SYNPO: variants seen among roughly 807,000 people sequenced by gnomAD.
The protein encoded by SYNPO is synaptopodin.
A neutral mutation model predicts 49.5 loss-of-function variants in SYNPO; 19 were observed. The observed-to-expected ratio is 0.38, with a 90% CI of 0.27 to 0.56. The LOEUF (loss-of-function observed/expected upper bound fraction) is 0.56. Ranked by LOEUF, SYNPO falls within the 20% of genes least tolerant of loss-of-function variation. The pLI is 0.68. For missense variants in SYNPO, 1,131 were observed against 1,248.3 expected, an observed-to-expected ratio of 0.91 and a Z score of 1.42; for synonymous variants, 536 against 548.0, an observed-to-expected ratio of 0.98 and a Z score of 0.31.
In SYNPO at chr5:150,644,410, C is replaced by T. The variant is rs770869334; in HGVS notation, c.-332-3534C>T. Among the ~76,000 whole-genome samples, 8 of 152,310 alleles carry T rather than the reference C, an allele frequency of 5.3e-5. No homozygotes were observed. In the South Asian group the frequency reaches 8.3e-4, roughly 16 times the overall value. ...GTTTTGGGGCAGTAAGCTCTGCCTC[C>T]GTGTAGCTCTGGAATCTCCTGCTAT... On this transcript the variant is annotated intron_variant, in intron 1 of 2. Coordinates refer to ENST00000307662, the MANE Select transcript of SYNPO (RefSeq NM_007286.6).
At chr5:150,650,534 T>A (rs150776894) in intron 2 of SYNPO, 10 of 1,471,558 alleles carry the variant, frequency 6.8e-6, no homozygotes, top group Non-Finnish European at 7.2e-6. Context: ...CCTCCCCTAC[T>A]ACAACAGGGG....
chr5:150,629,467 T>C (rs1757469138), intron 2 of SYNPO, among the ~76,000 whole-genome samples: 1 of 152,096 alleles, frequency 6.6e-6, no homozygotes, highest in Non-Finnish European at 1.5e-5. Flanking sequence ...TGCTGAGATA[T>C]GGGCTAGTAA....
chr5:150,603,907 G>T (rs1023951010), intron 1 of SYNPO, among the ~76,000 whole-genome samples: 8 of 152,180 alleles, frequency 5.3e-5, no homozygotes, highest in Non-Finnish European at 1.2e-4. Flanking sequence ...ATTTCCAGGA[G>T]ACTCTTGTTC....
chr5:150,624,469 G>A (rs188806796), intron 2 of SYNPO, among the ~76,000 whole-genome samples: 1 of 152,284 alleles, frequency 6.6e-6, no homozygotes, highest in African/African-American at 2.4e-5. Flanking sequence ...CAGACCGACC[G>A]ACCTAGCGAT....
chr5:150,643,612 G>A (rs1303416998), intron 1 of SYNPO, among the ~76,000 whole-genome samples: 1 of 152,124 alleles, frequency 6.6e-6, no homozygotes, highest in Non-Finnish European at 1.5e-5. Flanking sequence ...TCGGCTCACC[G>A]CAACCTCTGC....
intron 1 of SYNPO, among the ~76,000 whole-genome samples, chr5:150,602,594 AT>A (rs534080439): frequency 2.6e-5 from 4 of 152,120 alleles, no homozygotes; most frequent in Non-Finnish European, 4.4e-5. Flanking sequence ...CGCTTCCAGC[AT>A]TTTATTTGTT....
intron 1 of SYNPO, among the ~76,000 whole-genome samples, chr5:150,642,722 G>C (rs1490320689): frequency 1.3e-5 from 2 of 152,222 alleles, no homozygotes; most frequent in Admixed American, 1.3e-4. Context: ...GCTGGATCTG[G>C]TCCAAACCTC....
chr5:150,654,394 G>T (rs190695191), intron 2 of SYNPO, among the ~76,000 whole-genome samples: 7 of 151,612 alleles, frequency 4.6e-5, no homozygotes, highest in Admixed American at 3.3e-4. Flanking sequence ...TTCCTGGTGG[G>T]GCAGAACACA....
chr5:150,615,766 T>C (rs1253480497), intron 1 of SYNPO, among the ~76,000 whole-genome samples: 2 of 152,220 alleles, frequency 1.3e-5, no homozygotes, highest in Non-Finnish European at 2.9e-5. Flanking sequence ...CTCTCCTCCA[T>C]GTCTCTGAAT....
intron 2 of SYNPO, chr5:150,651,247 C>T (rs1758371989): frequency 1.0e-6 from 1 of 1,002,422 alleles, no homozygotes; most frequent in Non-Finnish European, 1.2e-6. Flanking sequence ...AAGAAGCCAC[C>T]TCAGCGCAGT....
In SYNPO at chr5:150,657,420, TCTCTCTCTCTCTCACACA is replaced by T; in HGVS notation, c.*335_*352del. ...GATGCACACACACTCTCTCTTTCTC[TCTCTCTCTCTCTCACACA>T]CACACACACACACACACACACACAC... is the stretch of plus-strand genomic sequence containing the variant. On this transcript the variant is annotated 3_prime_UTR_variant, in exon 3 of 3. Coordinates refer to ENST00000307662, the MANE Select transcript of SYNPO (RefSeq NM_007286.6). 6.0e-6 allele frequency: 1 copy of T among 165,584 alleles called. No homozygotes were observed. Among genetic ancestry groups the T allele is most frequent in the Non-Finnish European group, 1.1e-5 (1 of 87,594 alleles). 10.3% of individuals were successfully genotyped at this position (165,584 alleles called of 1,614,324 possible). A position where few individuals can be genotyped will look rare whatever the true frequency, so the allele number is the denominator to read the frequency against.
intron 2 of SYNPO, among the ~76,000 whole-genome samples, chr5:150,620,612 G>C (rs1364107931): frequency 1.3e-5 from 2 of 152,208 alleles, no homozygotes; most frequent in Non-Finnish European, 2.9e-5. Context: ...GGACATCTTG[G>C]AATGGAAGAG....
chr5:150,621,715 T>C (rs567241146), intron 2 of SYNPO, among the ~76,000 whole-genome samples: 8 of 152,272 alleles, frequency 5.3e-5, no homozygotes, highest in African/African-American at 1.7e-4. Context: ...ATACCTTTGT[T>C]TGGGGTCAGT....
At chr5:150,628,036 C>CTGTGTGTGTGTGTGTGTGTG (rs3062926) in intron 2 of SYNPO, among the ~76,000 whole-genome samples, 10 of 141,956 alleles carry the variant, frequency 7.0e-5, no homozygotes, top group African/African-American at 2.7e-4. Context: ...GTGTGTGTTT[C>CTGTGTGTGTGTGTGTGTGTG]TGTGTGTGTG....
At chr5:150,655,656 T>G (rs1401122243) in intron 2 of SYNPO, among the ~76,000 whole-genome samples, 1 of 152,184 alleles carries the variant, frequency 6.6e-6, no homozygotes, top group Non-Finnish European at 1.5e-5. Context: ...ATCCTTCTAG[T>G]ATTTTTTTTA....
At chr5:150,626,036 G>C (rs1241458700) in intron 2 of SYNPO, among the ~76,000 whole-genome samples, 1 of 152,232 alleles carries the variant, frequency 6.6e-6, no homozygotes, top group African/African-American at 2.4e-5. Flanking sequence ...GCTAGTCAGA[G>C]GGTGCCCTAC....
Position 150,608,387 on chromosome 5 carries a change from T to C in SYNPO, c.-266+7199T>C, listed in dbSNP as rs551664223. ...CCTGGCTGGCCAGCTGGGTACCACA[T>C]GAAGTGAAGCTTCCTTGGGACCTAT... is the stretch of plus-strand genomic sequence containing the variant. On this transcript the variant is annotated intron_variant, in intron 1 of 2. Transcript: ENST00000394243. The C allele has an allele frequency of 3.3e-5, 5 of 152,264 alleles. No homozygotes were observed. In the South Asian group the frequency reaches 8.3e-4, roughly 25 times the overall value. The allele number at this position is 152,264 out of a possible 1,614,324, so 9.4% of individuals were successfully genotyped here.
upstream of SYNPO, among the ~76,000 whole-genome samples, chr5:150,599,409 G>C (rs752588407): frequency 2.0e-5 from 3 of 152,224 alleles, no homozygotes; most frequent in Non-Finnish European, 4.4e-5. Context: ...GTTATTGGCT[G>C]TAGAGACACC....
intron 1 of SYNPO, among the ~76,000 whole-genome samples, chr5:150,647,059 A>G (rs1413915045): frequency 6.6e-6 from 1 of 152,080 alleles, no homozygotes; most frequent in Non-Finnish European, 1.5e-5. Flanking sequence ...CCTGGCCTAC[A>G]TGGTGAAACC....
Sources: allele counts gnomAD v4.1 joint callset (sites outside exome capture counted in the v4.1 genomes callset), GRCh38; gene constraint gnomAD v4.1.1; transcripts MANE v1.5; gene names NCBI Gene and HGNC (gene_info 2026-07-23, HGNC 2026-07-21).